FAM171B: variants seen among roughly 807,000 people sequenced by gnomAD.
FAM171B encodes family with sequence similarity 171 member B, also known as protein FAM171B.
In FAM171B, 19 loss-of-function variants were observed where a neutral mutation model predicts 75.6. The observed-to-expected ratio is 0.25, with a 90% CI of 0.18 to 0.37. The LOEUF (loss-of-function observed/expected upper bound fraction) is 0.37. Among genes scored for constraint, FAM171B ranks in the 10% least tolerant of loss-of-function variants. The probability of loss-of-function intolerance (pLI) is 1.00; values close to 1 mark genes in which losing one functional copy is unlikely to be tolerated. For missense variants in FAM171B, 848 were observed against 982.4 expected (o/e 0.86, Z 1.83); for synonymous variants, 367 against 361.7 (o/e 1.01, Z -0.17).
chr2:186,756,340 T>A (rs539263021), intron 6 of FAM171B, among the ~76,000 whole-genome samples: 1 of 152,226 alleles, frequency 6.6e-6, no homozygotes, highest in Non-Finnish European at 1.5e-5. Flanking sequence ...TGATAGCCCT[T>A]ACTTTGTAAT....
At chr2:186,715,945 T>C (rs1279462628) in intron 1 of FAM171B, among the ~76,000 whole-genome samples, 1 of 152,234 alleles carries the variant, frequency 6.6e-6, no homozygotes, top group African/African-American at 2.4e-5. Flanking sequence ...GGTACCCATG[T>C]GCTCACCACT....
chr2:186,731,963 C>T (rs183759779), intron 1 of FAM171B, among the ~76,000 whole-genome samples: 113 of 152,284 alleles, frequency 7.4e-4, no homozygotes, highest in Non-Finnish European at 9.1e-4. Flanking sequence ...TGCAAGAAAA[C>T]AAGCTCAGGG....
In FAM171B at chr2:186,731,864, G is replaced by A. The variant is rs949081985; in HGVS notation, c.239-8364G>A. ...GAACCCTATTTTGAACTGAGCATGT[G>A]AGGGATCTAGGTTGCATGCTCCTTA... is the stretch of plus-strand genomic sequence containing the variant. On this transcript the variant is annotated intron_variant, in intron 1 of 7. Coordinates refer to ENST00000304698, the MANE Select transcript of FAM171B (RefSeq NM_177454.4). Among the ~76,000 whole-genome samples the A allele has an allele frequency of 3.3e-5, 5 of 152,208 alleles. No individual in the cohort carries two copies. The South Asian group carries it at 1.0e-3, about 32-fold the overall frequency.
intron 1 of FAM171B, among the ~76,000 whole-genome samples, chr2:186,726,724 C>A (rs1393398186): frequency 6.6e-6 from 1 of 152,016 alleles, no homozygotes; most frequent in Non-Finnish European, 1.5e-5. Flanking sequence ...TAGTATCATT[C>A]TTTAGTCAAA....
At chr2:186,704,082 A>G (rs372281626) in intron 1 of FAM171B, among the ~76,000 whole-genome samples, 25 of 152,322 alleles carry the variant, frequency 1.6e-4, no homozygotes, top group East Asian at 9.6e-4. Context: ...AAGTATTTGT[A>G]TTTAAAGACA....
In FAM171B at chr2:186,694,153, G is replaced by A. The variant is rs541583983; in HGVS notation, c.-21G>A. On this transcript the variant is annotated 5_prime_UTR_variant, in exon 1 of 8. Coordinates refer to ENST00000304698, the MANE Select transcript of FAM171B (RefSeq NM_177454.4). ...GCCCGGAGCCCCGCAATATGCCGCCGCGGCCCTCTGGCTCTAGGCCATGGC... is the reference window on the plus strand; with the variant it reads ...GCCCGGAGCCCCGCAATATGCCGCCACGGCCCTCTGGCTCTAGGCCATGGC... 34 of 1,540,076 alleles carry A rather than the reference G, an allele frequency of 2.2e-5. 1 individual carries two copies. Among genetic ancestry groups the A allele is most frequent in the Middle Eastern group, 3.6e-4 (2 of 5,600 alleles).
chr2:186,696,992 TTGAA>T (rs1204790533), intron 1 of FAM171B, among the ~76,000 whole-genome samples: 3 of 130,732 alleles, frequency 2.3e-5, no homozygotes, highest in African/African-American at 5.8e-5. Context: ...CAACCATTTG[TTGAA>T]TGGATGGACG....
At chr2:186,709,514 T>C (rs1316239389) in intron 1 of FAM171B, among the ~76,000 whole-genome samples, 1 of 152,166 alleles carries the variant, frequency 6.6e-6, no homozygotes, top group Non-Finnish European at 1.5e-5. Flanking sequence ...GAGCTAGCAA[T>C]TGGTACTTTT....
intron 1 of FAM171B, among the ~76,000 whole-genome samples, chr2:186,720,316 A>G (rs2682872): frequency 0.93 from 141,567 of 152,238 alleles, 66,404 homozygotes; most frequent in Middle Eastern, 1. Context: ...GGGATTACAG[A>G]CGTGAGCCAC....
chr2:186,741,977 T>C (rs1056529824), intron 2 of FAM171B, among the ~76,000 whole-genome samples: 2 of 152,070 alleles, frequency 1.3e-5, no homozygotes, highest in African/African-American at 4.8e-5. Context: ...ATAAATGAAA[T>C]ATGTGGGTTA....
At chr2:186,745,073 G>A (rs1309955554) in intron 3 of FAM171B, among the ~76,000 whole-genome samples, 2 of 151,932 alleles carry the variant, frequency 1.3e-5, no homozygotes, top group African/African-American at 2.4e-5. Flanking sequence ...CAAGCGATCC[G>A]CCCATCTCAG....
chr2:186,745,999 AT>A (rs758888852), intron 3 of FAM171B, among the ~76,000 whole-genome samples: 35 of 152,172 alleles, frequency 2.3e-4, no homozygotes, highest in African/African-American at 8.2e-4. Context: ...TTCATTTATC[AT>A]TTATTGTCAT....
intron 1 of FAM171B, among the ~76,000 whole-genome samples, chr2:186,714,275 G>A (rs1444556332): frequency 6.6e-6 from 1 of 152,174 alleles, no homozygotes; most frequent in Non-Finnish European, 1.5e-5. Context: ...ATTGTGTTCT[G>A]TGAAATTTGA....
intron 5 of FAM171B, among the ~76,000 whole-genome samples, 188 bp downstream of exon 5, chr2:186,751,492 CAT>C (rs2105789975): frequency 6.6e-6 from 1 of 152,212 alleles, no homozygotes; most frequent in Non-Finnish European, 1.5e-5. Context: ...TGGGAATACA[CAT>C]GTCAAAAAAA....
chr2:186,736,896 T>G (rs2105784604), intron 1 of FAM171B, among the ~76,000 whole-genome samples: 1 of 152,240 alleles, frequency 6.6e-6, no homozygotes, highest in Non-Finnish European at 1.5e-5. Context: ...TAAAAATAGG[T>G]TTATGCAAAT....
chr2:186,756,574 G>A (rs1465601702), intron 6 of FAM171B, among the ~76,000 whole-genome samples: 1 of 152,136 alleles, frequency 6.6e-6, no homozygotes, highest in Admixed American at 6.5e-5. Flanking sequence ...CTGGCTTCTA[G>A]ATGGCCACTT....
Position 186,762,152 on chromosome 2 carries a change from G to T in FAM171B, c.1810G>T (p.Asp604Tyr), listed in dbSNP as rs1234862333. 6.2e-7 allele frequency: 1 copy of T among 1,613,600 alleles called. No homozygotes were observed. Among genetic ancestry groups the T allele is most frequent in the Non-Finnish European group, 8.5e-7 (1 of 1,179,746 alleles). ...HAQPPDAREE[D>Y]IILEGQQSLP... ...ACAGCCCCCAGATGCCAGGGAAGAG[G>T]ATATCATACTTGAAGGTCAACAGAG... The change falls in exon 8 of 8, where the codon GAT becomes TAT. Residue 604 changes from aspartate (D) to tyrosine (Y), a missense_variant. This residue lies in a region of FAM171B where 665 missense variants were observed against 729.0 expected (regional missense o/e 0.91). Coordinates refer to ENST00000304698, the MANE Select transcript of FAM171B (RefSeq NM_177454.4). The surrounding 1 kb of genome is among the most constrained non-coding windows in gnomAD (Gnocchi z 4.0).
In FAM171B at chr2:186,764,551, C is replaced by T. The variant is rs1165273775; in HGVS notation, c.*1728C>T. 8.3e-6 allele frequency: 1 copy of T among 120,794 alleles called. No homozygotes were observed. The highest frequency in any genetic ancestry group is 3.1e-5 in the African/African-American group (1 of 32,246). The allele number at this position is 120,794 out of a possible 1,614,324, so 7.5% of individuals were successfully genotyped here. A position where few individuals can be genotyped will look rare whatever the true frequency, so the allele number is the denominator to read the frequency against. On this transcript the variant is annotated 3_prime_UTR_variant, in exon 8 of 8. Coordinates refer to ENST00000304698, the MANE Select transcript of FAM171B (RefSeq NM_177454.4). Reference sequence around the variant, plus strand: ...CTTATTGGTCTTACACAGAAAGATACATCAAAAGCAGCATGACTCAAAATG... The same window carrying T: ...CTTATTGGTCTTACACAGAAAGATATATCAAAAGCAGCATGACTCAAAATG...
At chr2:186,751,570 T>A (rs1020863830) in intron 5 of FAM171B, among the ~76,000 whole-genome samples, 5 of 152,296 alleles carry the variant, frequency 3.3e-5, no homozygotes, top group South Asian at 2.1e-4. Flanking sequence ...AATAATTTTT[T>A]AAAATTATCT....
Sources: allele counts gnomAD v4.1 joint callset (sites outside exome capture counted in the v4.1 genomes callset), GRCh38; gene constraint gnomAD v4.1.1; regional missense constraint gnomAD v4.1.1; non-coding constraint Gnocchi (gnomAD v3.1); transcripts MANE v1.5; gene names NCBI Gene and HGNC (gene_info 2026-07-23, HGNC 2026-07-21).